Variants in NCALD observed in about 807,000 individuals in gnomAD.
NCALD encodes the protein neurocalcin-delta.
NCALD carries 10 observed loss-of-function variants against 18.6 expected under a neutral mutation model. That is an observed-to-expected ratio of 0.54 (90% confidence interval 0.33 to 0.91). The LOEUF is 0.91. NCALD is among the 40% of genes least tolerant of loss of function. The pLI, the probability that NCALD is intolerant of heterozygous loss-of-function variation, is 0.03. For synonymous variants in NCALD, 88 were observed against 87.4 expected (o/e 1.01, Z -0.04); for missense variants, 184 against 247.6 (o/e 0.74, Z 1.72).
intron 2 of NCALD, among the ~76,000 whole-genome samples, chr8:102,009,241 C>T (rs1821822399): frequency 6.6e-6 from 1 of 152,206 alleles, no homozygotes; most frequent in South Asian, 2.1e-4. Context: ...AATGACCTTT[C>T]TATTAAGCAC....
chr8:101,923,329 T>TA (rs1415916545), intron 2 of NCALD, among the ~76,000 whole-genome samples: 1 of 152,220 alleles, frequency 6.6e-6, no homozygotes, highest in Non-Finnish European at 1.5e-5. Context: ...TTTATCTTGC[T>TA]AATCTATCTC....
In NCALD at chr8:101,858,213, C is replaced by G. The variant is rs1337679204; in HGVS notation, c.-20+28928G>C. Among the ~76,000 whole-genome samples, 3 of 152,186 alleles carry G rather than the reference C, an allele frequency of 2.0e-5. 1 individual carries two copies. The South Asian group carries it at 6.2e-4, about 32-fold the overall frequency. On this transcript the variant is annotated intron_variant, in intron 4 of 6. Coordinates refer to the NCALD transcript ENST00000311028. ...AGAGATAACATGAGAAGAGAGATAT[C>G]AACAAAATTTCAGAAAATGGAAAGC...
chr8:101,909,865 T>A (rs1265446921), intron 3 of NCALD, among the ~76,000 whole-genome samples: 1 of 152,044 alleles, frequency 6.6e-6, no homozygotes, highest in Non-Finnish European at 1.5e-5. Flanking sequence ...TTTTAATAGT[T>A]CCTAGACAGG....
In NCALD at chr8:101,938,030, G is replaced by T. The variant is rs139538134; in HGVS notation, c.-156-22172C>A. ...GAAATCCACAGACTCCAAGTCTAGT[G>T]CATGCTCCTGCTCTAACCATGATGC... On this transcript the variant is annotated intron_variant, in intron 2 of 6. Transcript: ENST00000311028. 2.6e-3 allele frequency among the ~76,000 whole-genome samples: 403 copies of T among 152,262 alleles called. 2 individuals carry two copies. Among genetic ancestry groups the T allele is most frequent in the African/African-American group, 9.3e-3 (386 of 41,564 alleles).
intron 2 of NCALD, among the ~76,000 whole-genome samples, chr8:101,982,620 C>T (rs945081768): frequency 6.6e-6 from 1 of 152,076 alleles, no homozygotes; most frequent in African/African-American, 2.4e-5. Flanking sequence ...GCTGGTGGAT[C>T]AGGAGGTCAG....
chr8:101,931,549 A>G (rs1468661832), intron 2 of NCALD, among the ~76,000 whole-genome samples: 3 of 152,202 alleles, frequency 2.0e-5, no homozygotes, highest in African/African-American at 7.2e-5. Context: ...GACATCATTT[A>G]GAAAGAAATA....
chr8:101,886,884 G>T (rs1816696418), intron 4 of NCALD, among the ~76,000 whole-genome samples: 1 of 151,940 alleles, frequency 6.6e-6, no homozygotes, highest in African/African-American at 2.4e-5. Flanking sequence ...ACTTAAATAA[G>T]GTTTCCGCTT....
At chr8:101,692,616 A>C (rs1371148579) in intron 3 of NCALD, 175 bp downstream of exon 3, 1 of 981,698 alleles carries the variant, frequency 1.0e-6, no homozygotes, top group East Asian at 1.1e-4. Flanking sequence ...ATTTCCCCCA[A>C]TTCTGGGCTC....
At chr8:101,781,110 A>C (rs1268583360) in intron 1 of NCALD, among the ~76,000 whole-genome samples, 3 of 152,134 alleles carry the variant, frequency 2.0e-5, no homozygotes, top group African/African-American at 7.2e-5. Flanking sequence ...TGCAAAGTGG[A>C]ATTTGGACCA....
chr8:102,078,403 G>T (rs1346673977), intron 1 of NCALD, among the ~76,000 whole-genome samples: 5 of 152,122 alleles, frequency 3.3e-5, no homozygotes, highest in Non-Finnish European at 5.9e-5. Flanking sequence ...TTAAAAATGT[G>T]AATCATGATC....
At chr8:101,858,985 T>C (rs1413263774) in intron 4 of NCALD, among the ~76,000 whole-genome samples, 1 of 152,186 alleles carries the variant, frequency 6.6e-6, no homozygotes, top group African/African-American at 2.4e-5. Context: ...CTTGATTGGA[T>C]TGAAGGATGC....
intron 3 of NCALD, among the ~76,000 whole-genome samples, chr8:101,894,623 A>G (rs1817071741): frequency 6.8e-6 from 1 of 147,340 alleles, no homozygotes; most frequent in Non-Finnish European, 1.5e-5. Context: ...TAGCAAAACT[A>G]ATAAAGAAAA....
At position 101,687,743 on chromosome 8, in the gene NCALD, C is replaced by T. The variant is rs1307361978; in HGVS notation, c.*1566G>A. ...CCATCAACAACCTTGAGAATTTGGGCCTCCCTTTGCTAACTACTTGCAAGA... is the reference window on the plus strand; with the variant it reads ...CCATCAACAACCTTGAGAATTTGGGTCTCCCTTTGCTAACTACTTGCAAGA... On this transcript the variant is annotated 3_prime_UTR_variant, in exon 4 of 4. Transcript: ENST00000220931. 1 of 152,312 alleles carries T rather than the reference C, an allele frequency of 6.6e-6. No individual in the cohort carries two copies. The highest frequency in any genetic ancestry group is 1.9e-4 in the East Asian group (1 of 5,182). 9.4% of individuals were successfully genotyped at this position (152,312 alleles called of 1,614,324 possible).
intron 4 of NCALD, among the ~76,000 whole-genome samples, chr8:101,840,740 T>C (rs1695059095): frequency 6.6e-6 from 1 of 152,206 alleles, no homozygotes; most frequent in Non-Finnish European, 1.5e-5. Context: ...ATACATAAAC[T>C]GTATTCAAGT....
intron 4 of NCALD, among the ~76,000 whole-genome samples, chr8:101,817,890 A>G (rs921459896): frequency 3.3e-5 from 5 of 152,226 alleles, no homozygotes; most frequent in Admixed American, 6.5e-5. Context: ...ATAATCAGAC[A>G]TCTAAGAACA....
At chr8:102,093,353 T>G (rs1301898499) in intron 1 of NCALD, among the ~76,000 whole-genome samples, 2 of 152,222 alleles carry the variant, frequency 1.3e-5, no homozygotes, top group African/African-American at 4.8e-5. Context: ...GGTTATCAAA[T>G]GCATTGAGAG....
chr8:101,887,775 C>T (rs1458540512), intron 3 of NCALD, among the ~76,000 whole-genome samples: 1 of 152,040 alleles, frequency 6.6e-6, no homozygotes, highest in Non-Finnish European at 1.5e-5. Context: ...AAACCCAGCT[C>T]AAACTCACTT....
At chr8:102,023,155 GC>G (rs1302695422) in intron 1 of NCALD, among the ~76,000 whole-genome samples, 1 of 152,150 alleles carries the variant, frequency 6.6e-6, no homozygotes, top group Non-Finnish European at 1.5e-5. Context: ...CGCCCTGAAG[GC>G]CCAGGCAGTG....
intron 2 of NCALD, among the ~76,000 whole-genome samples, chr8:101,964,590 A>T (rs778871297): frequency 1.3e-5 from 2 of 152,176 alleles, no homozygotes; most frequent in Non-Finnish European, 2.9e-5. Flanking sequence ...CTGCTCATAC[A>T]GTCATTTTAT....
Sources: allele counts gnomAD v4.1 joint callset (sites outside exome capture counted in the v4.1 genomes callset), GRCh38; gene constraint gnomAD v4.1.1; transcripts MANE v1.5; gene names NCBI Gene and HGNC (gene_info 2026-07-23, HGNC 2026-07-21).